The following LMX1B variants were observed in gnomAD, a reference collection of about 807,000 sequenced individuals.
LMX1B encodes LIM homeobox transcription factor 1 beta.
Under a neutral mutation model 51.4 loss-of-function variants are expected in LMX1B, and 12 were observed. That is an observed-to-expected ratio of 0.23 (90% CI 0.15 to 0.38). The LOEUF (loss-of-function observed/expected upper bound fraction) is 0.38. Ranked by LOEUF, LMX1B falls within the 10% of genes least tolerant of loss-of-function variation. The probability of loss-of-function intolerance (pLI) is 1.00; values close to 1 mark genes in which losing one functional copy is unlikely to be tolerated. For missense variants in LMX1B, 445 were observed against 571.1 expected, an observed-to-expected ratio of 0.78 and a Z score of 2.25; for synonymous variants, 237 against 235.4, an observed-to-expected ratio of 1.01 and a Z score of -0.06.
intron 2 of LMX1B, among the ~76,000 whole-genome samples, chr9:126,621,037 T>C (rs1649863639): frequency 6.6e-6 from 1 of 152,110 alleles, no homozygotes; most frequent in Non-Finnish European, 1.5e-5. Context: ...TTTCCACCCA[T>C]GGGTGGCTGG....
chr9:126,654,082 G>T (rs372942835), intron 2 of LMX1B, among the ~76,000 whole-genome samples: 1 of 152,102 alleles, frequency 6.6e-6, no homozygotes, highest in African/African-American at 2.4e-5. Flanking sequence ...GGAATATGCC[G>T]CTGCTGGGGC....
chr9:126,631,280 A>G (rs1241886060), intron 2 of LMX1B, among the ~76,000 whole-genome samples: 1 of 152,284 alleles, frequency 6.6e-6, no homozygotes, highest in Non-Finnish European at 1.5e-5. Flanking sequence ...TTAAATTAAA[A>G]TAACAGTAAT....
intron 2 of LMX1B, among the ~76,000 whole-genome samples, chr9:126,675,910 G>C (rs1199695809): frequency 6.7e-6 from 1 of 149,802 alleles, no homozygotes; most frequent in Non-Finnish European, 1.5e-5. Context: ...TTAGCCGGGC[G>C]TGGTAGCGGG....
chr9:126,649,939 G>T (rs1835968994), intron 2 of LMX1B, among the ~76,000 whole-genome samples: 1 of 152,154 alleles, frequency 6.6e-6, no homozygotes, highest in South Asian at 2.1e-4. Context: ...AGAACCACTG[G>T]TGCAAGCACA....
chr9:126,653,142 CTTTTTTTT>C lies in LMX1B; in HGVS notation c.326+37594_326+37601del, dbSNP rs5900715. The stretch of plus-strand genomic sequence containing the variant: ...TGTTTTGTTTTGTTTCAAGTAGATG[CTTTTTTTT>C]TTTTTTTTTTTTTTTTTTTTGAGAC... On this transcript the variant is annotated intron_variant, in intron 2 of 7. Transcript: ENST00000373474. 9.0e-5 allele frequency among the ~76,000 whole-genome samples: 5 copies of C among 55,362 alleles called. 1 individual carries two copies. Among genetic ancestry groups the C allele is most frequent in the African/African-American group, 2.9e-4 (4 of 13,848 alleles). The allele number at this position is 55,362 out of a possible 152,430, so 36.3% of individuals were successfully genotyped here. A position where few individuals can be genotyped will look rare whatever the true frequency, so the allele number is the denominator to read the frequency against.
intron 2 of LMX1B, among the ~76,000 whole-genome samples, chr9:126,631,233 C>G (rs755892693): frequency 6.6e-6 from 1 of 152,250 alleles, no homozygotes; most frequent in Admixed American, 6.5e-5. Flanking sequence ...CATGCCCTTA[C>G]GGCTGCAGAG....
chr9:126,672,466 A>T (rs942361856), intron 2 of LMX1B, among the ~76,000 whole-genome samples: 2 of 151,844 alleles, frequency 1.3e-5, no homozygotes, highest in African/African-American at 2.4e-5. Flanking sequence ...ATTTTATTTT[A>T]TTTTATTTTT....
chr9:126,654,568 G>A (rs1231206373), intron 2 of LMX1B, among the ~76,000 whole-genome samples: 1 of 152,218 alleles, frequency 6.6e-6, no homozygotes, highest in Non-Finnish European at 1.5e-5. Flanking sequence ...CAGGTAGAAG[G>A]AGAGACTGTT....
At chr9:126,686,438 T>G (rs186319314) in intron 2 of LMX1B, among the ~76,000 whole-genome samples, 1 of 152,232 alleles carries the variant, frequency 6.6e-6, no homozygotes, top group South Asian at 2.1e-4. Flanking sequence ...TGGAGATATC[T>G]TCTCACAGCC....
At chr9:126,652,301 G>C (rs1202538434) in intron 2 of LMX1B, among the ~76,000 whole-genome samples, 2 of 150,412 alleles carry the variant, frequency 1.3e-5, no homozygotes, top group African/African-American at 2.4e-5. Flanking sequence ...GGAGAAGGGG[G>C]GGGGGATTTT....
At chr9:126,667,964 G>A (rs1439436074) in intron 2 of LMX1B, among the ~76,000 whole-genome samples, 1 of 152,186 alleles carries the variant, frequency 6.6e-6, no homozygotes, top group Non-Finnish European at 1.5e-5. Context: ...GGAAAGCGGA[G>A]GCAGCTGAAA....
chr9:126,652,650 G>A (rs3814120), intron 2 of LMX1B, among the ~76,000 whole-genome samples: 13,586 of 152,276 alleles, frequency 0.089, 975 homozygotes, highest in East Asian at 0.37. Context: ...ATCTGCCCTC[G>A]GCACAGGAGA....
rs117041719 is a variant in LMX1B at position 126,667,503 on chromosome 9, G to A, written c.327-23333G>A. Among the ~76,000 whole-genome samples, 403 of 152,334 alleles carry A rather than the reference G, an allele frequency of 2.6e-3. 2 individuals carry two copies. Among genetic ancestry groups the A allele is most frequent in the South Asian group, 0.012 (56 of 4,830 alleles). ...GAGCTGGAGTATAAACACACTGGGC[G>A]GTGCTGCCTTGGGGGCATCCACAGA... is the stretch of plus-strand genomic sequence containing the variant. On this transcript the variant is annotated intron_variant, in intron 2 of 7. Transcript: ENST00000373474.
At chr9:126,622,400 A>T (rs1429666215) in intron 2 of LMX1B, among the ~76,000 whole-genome samples, 1 of 152,204 alleles carries the variant, frequency 6.6e-6, no homozygotes, top group Non-Finnish European at 1.5e-5. Flanking sequence ...CCAGAGCAAC[A>T]GCGATGCCCA....
intron 3 of LMX1B, among the ~76,000 whole-genome samples, chr9:126,691,613 C>T (rs1564169003): frequency 6.6e-6 from 1 of 152,050 alleles, no homozygotes. Flanking sequence ...TCTGGCCCAC[C>T]CCCCTTACCC....
At position 126,697,083 on chromosome 9, in the gene LMX1B, AACAC is replaced by A. The variant is rs147813553; in HGVS notation, c.*640_*643del. Reference sequence around the variant, plus strand: ...GCACACTTGCAGACAAACCCACGCAAACACACACACAGCTGTATGGGGACACCAG... The same window carrying A: ...GCACACTTGCAGACAAACCCACGCAAACACACAGCTGTATGGGGACACCAG... On this transcript the variant is annotated 3_prime_UTR_variant, in exon 8 of 8. Transcript: ENST00000373474. The A allele has an allele frequency of 9.7e-4, 155 of 159,008 alleles. 2 individuals carry two copies. In the East Asian group the frequency reaches 0.027, roughly 28 times the overall value. 9.8% of individuals were successfully genotyped at this position (159,008 alleles called of 1,614,324 possible).
At chr9:126,691,567 G>A (rs1352762610) in intron 3 of LMX1B, among the ~76,000 whole-genome samples, 1 of 152,164 alleles carries the variant, frequency 6.6e-6, no homozygotes, top group Non-Finnish European at 1.5e-5. Flanking sequence ...CATGTACTGT[G>A]GATTGTGCTT....
rs941758050 is a variant in LMX1B at position 126,699,120 on chromosome 9, G to A, written c.*2669G>A. On this transcript the variant is annotated 3_prime_UTR_variant, in exon 8 of 8. Transcript: ENST00000373474. ...TCAGGGGCAGATGCCCTATCCCCCA[G>A]GAGACCTGGCCCTTCTCTCTCAGAC... 2.6e-5 allele frequency: 4 copies of A among 152,250 alleles called. No individual in the cohort carries two copies. The highest frequency in any genetic ancestry group is 9.6e-5 in the African/African-American group (4 of 41,460). 9.4% of individuals were successfully genotyped at this position (152,250 alleles called of 1,614,324 possible). A position where few individuals can be genotyped will look rare whatever the true frequency, so the allele number is the denominator to read the frequency against.
chr9:126,621,884 T>C (rs951375686), intron 2 of LMX1B, among the ~76,000 whole-genome samples: 2 of 152,188 alleles, frequency 1.3e-5, no homozygotes, highest in Non-Finnish European at 2.9e-5. Flanking sequence ...AAGGGGCCAC[T>C]GTGCTCGGAA....
Sources: gnomAD v4.1 joint callset for allele counts (sites outside exome capture counted in the v4.1 genomes callset) on GRCh38, gnomAD v4.1.1 for gene constraint, MANE v1.5 for transcripts, NCBI Gene and HGNC (gene_info 2026-07-23, HGNC 2026-07-21) for gene names.